The following NRXN3 variants were observed in gnomAD, a reference collection of about 807,000 sequenced individuals.
The protein encoded by NRXN3 is neurexin III.
NRXN3 carries 32 observed loss-of-function variants against 137.6 expected under a neutral mutation model. That is an observed-to-expected ratio of 0.23 (90% confidence interval 0.18 to 0.31). The LOEUF (loss-of-function observed/expected upper bound fraction) is 0.31, where lower values mean the gene tolerates loss of function less well. Ranked by LOEUF, NRXN3 falls within the 10% of genes least tolerant of loss-of-function variation. NRXN3 has a pLI of 1.00. For missense variants in NRXN3, 1,574 were observed against 2,062.5 expected, an observed-to-expected ratio of 0.76 and a Z score of 4.59; for synonymous variants, 798 against 784.5, an observed-to-expected ratio of 1.02 and a Z score of -0.29.
intron 15 of NRXN3, among the ~76,000 whole-genome samples, chr14:79,052,096 A>G (rs1159703483): frequency 6.6e-6 from 1 of 152,216 alleles, no homozygotes; most frequent in Non-Finnish European, 1.5e-5. Flanking sequence ...TTTGAGGAAC[A>G]TCCATTTTAA....
rs116485683 is a variant in NRXN3 at position 79,782,687 on chromosome 14, A to C, written c.4015-22425A>C. 9.3e-3 allele frequency among the ~76,000 whole-genome samples: 1,419 copies of C among 152,306 alleles called. 13 individuals carry two copies. Among genetic ancestry groups the C allele is most frequent in the African/African-American group, 0.032 (1,317 of 41,574 alleles). On this transcript the variant is annotated intron_variant, in intron 19 of 20. Transcript: ENST00000335750. ...ATTGTCTGGAAACCACAGTCTCCAA[A>C]ATGCTGCCTAGGAGTGCTAAAGAGC...
intron 16 of NRXN3, among the ~76,000 whole-genome samples, chr14:79,472,946 T>G (rs1389637155): frequency 1.3e-5 from 2 of 152,174 alleles, no homozygotes; most frequent in African/African-American, 4.8e-5. Context: ...TAATGCTGAG[T>G]GTAAAAAAGA....
intron 5 of NRXN3, among the ~76,000 whole-genome samples, chr14:78,646,568 G>A (rs2097690063): frequency 6.6e-6 from 1 of 152,186 alleles, no homozygotes; most frequent in Non-Finnish European, 1.5e-5. Context: ...TTTGATAAAA[G>A]TGTAACTCCT....
At chr14:79,758,003 C>G (rs1398866278) in intron 19 of NRXN3, among the ~76,000 whole-genome samples, 1 of 152,044 alleles carries the variant, frequency 6.6e-6, no homozygotes, top group Admixed American at 6.5e-5. Context: ...ATACATTATC[C>G]ATTAAAGTAG....
intron 10 of NRXN3, among the ~76,000 whole-genome samples, chr14:78,934,184 C>A (rs915347429): frequency 1.5e-4 from 22 of 150,302 alleles, no homozygotes; most frequent in Middle Eastern, 7.0e-3. Flanking sequence ...AAAAAAACCC[C>A]AAAACCAAAG....
At chr14:79,018,294 AAAGAGAGAG>A (rs2099583147) in intron 15 of NRXN3, among the ~76,000 whole-genome samples, 2 of 15,912 alleles carry the variant, frequency 1.3e-4, no homozygotes, top group African/African-American at 1.9e-4. Flanking sequence ...AAAAAAAAAA[AAAGAGAGAG>A]AGCAAGAAGA....
chr14:79,780,532 C>T (rs1324130187), intron 19 of NRXN3, among the ~76,000 whole-genome samples: 1 of 152,042 alleles, frequency 6.6e-6, no homozygotes, highest in Non-Finnish European at 1.5e-5. Context: ...TGGTGTGAAC[C>T]CGGGAGGCGG....
chr14:78,802,935 GA>G, intron 8 of NRXN3, among the ~76,000 whole-genome samples: 1 of 152,190 alleles, frequency 6.6e-6, no homozygotes, highest in Non-Finnish European at 1.5e-5. Flanking sequence ...AACAGAGTGA[GA>G]CTGTCTCAAA....
chr14:78,978,198 G>A (rs2099475769), intron 14 of NRXN3, among the ~76,000 whole-genome samples: 1 of 152,112 alleles, frequency 6.6e-6, no homozygotes. Context: ...ATCTGAACAT[G>A]CTTGAGAAGA....
intron 4 of NRXN3, among the ~76,000 whole-genome samples, chr14:78,599,125 A>G (rs933333285): frequency 9.2e-5 from 14 of 152,242 alleles, no homozygotes; most frequent in African/African-American, 3.4e-4. Flanking sequence ...AGTTTACTAT[A>G]TCAGCTTCTT....
At chr14:79,654,316 A>G (rs2098493594) in intron 16 of NRXN3, among the ~76,000 whole-genome samples, 1 of 151,954 alleles carries the variant, frequency 6.6e-6, no homozygotes, top group Non-Finnish European at 1.5e-5. Flanking sequence ...CTTAAATTAA[A>G]CTTAAATTAA....
chr14:78,743,883 A>G (rs2098594442), intron 8 of NRXN3, among the ~76,000 whole-genome samples: 1 of 152,232 alleles, frequency 6.6e-6, no homozygotes, highest in Non-Finnish European at 1.5e-5. Context: ...TAGGGGATAC[A>G]GTGAAGAGAA....
Position 78,556,471 on chromosome 14 carries a change from G to A in NRXN3, c.758-88649G>A, listed in dbSNP as rs151288577. Among the ~76,000 whole-genome samples the A allele has an allele frequency of 1.8e-4, 27 of 152,268 alleles. No homozygotes were observed. In the East Asian group the frequency reaches 2.7e-3, roughly 15 times the overall value. The stretch of plus-strand genomic sequence containing the variant: ...CCTGGAGCTTCTTAAACTAGCCAAT[G>A]TTAATCTTGGTGCTGAGACATATTG... On this transcript the variant is annotated intron_variant, in intron 4 of 20. Transcript: ENST00000335750.
rs184181706 is a variant in NRXN3, at chr14:79,372,872, A to T, written c.3263-94349A>T. Among the ~76,000 whole-genome samples, 4 of 152,296 alleles carry T rather than the reference A, an allele frequency of 2.6e-5. No individual in the cohort carries two copies. The East Asian group carries it at 7.7e-4, about 29-fold the overall frequency. On this transcript the variant is annotated intron_variant, in intron 15 of 20. Coordinates refer to ENST00000335750, the MANE Select transcript of NRXN3 (RefSeq NM_001330195.2). ...TTTTTATTTTTATCGTGCATATCAC[A>T]ACCCCTTCATTAGTAGACATCATTG...
At chr14:79,303,870 T>C (rs529015027) in intron 15 of NRXN3, among the ~76,000 whole-genome samples, 2 of 152,144 alleles carry the variant, frequency 1.3e-5, no homozygotes, top group South Asian at 4.1e-4. Context: ...TGGGGAAATC[T>C]CTACACTTTG....
In NRXN3 at chr14:79,620,502, A is replaced by G. The variant is rs550338211; in HGVS notation, c.3445-43276A>G. ...CTAGTTCTCTGAGGTTATAAAGACC[A>G]TAAGGTAGTGGCATTGGAGTACAAT... On this transcript the variant is annotated intron_variant, in intron 16 of 20. Coordinates refer to ENST00000335750, the MANE Select transcript of NRXN3 (RefSeq NM_001330195.2). Among the ~76,000 whole-genome samples the G allele has an allele frequency of 3.3e-5, 5 of 152,262 alleles. No individual in the cohort carries two copies. The South Asian group carries it at 1.0e-3, about 32-fold the overall frequency.
intron 16 of NRXN3, among the ~76,000 whole-genome samples, chr14:79,559,049 C>T (rs2097461249): frequency 6.6e-6 from 1 of 152,110 alleles, no homozygotes; most frequent in Admixed American, 6.6e-5. Flanking sequence ...AGAGCTAGGG[C>T]CTTGTTCTGG....
chr14:79,495,752 T>G (rs559876311), intron 16 of NRXN3, among the ~76,000 whole-genome samples: 11 of 152,196 alleles, frequency 7.2e-5, no homozygotes, highest in African/African-American at 2.4e-4. Flanking sequence ...TCTTCCAAAA[T>G]CTTTTTTATT....
intron 16 of NRXN3, among the ~76,000 whole-genome samples, chr14:79,506,174 G>A (rs899472695): frequency 1.3e-5 from 2 of 152,136 alleles, no homozygotes; most frequent in African/African-American, 2.4e-5. Flanking sequence ...TATTGGTTAA[G>A]CAAATTACAG....
Sources: gnomAD v4.1 joint callset for allele counts (sites outside exome capture counted in the v4.1 genomes callset) on GRCh38, gnomAD v4.1.1 for gene constraint, MANE v1.5 for transcripts, NCBI Gene and HGNC (gene_info 2026-07-23, HGNC 2026-07-21) for gene names.